NSMAF: variants seen among roughly 807,000 people sequenced by gnomAD.
The protein encoded by NSMAF is neutral sphingomyelinase activation associated factor.
In NSMAF, 90 loss-of-function variants were observed where a neutral mutation model predicts 134.9. That is an observed-to-expected ratio of 0.67 (90% CI 0.56 to 0.79). NSMAF has a LOEUF of 0.79. Ranked by LOEUF, NSMAF falls within the 30% of genes least tolerant of loss-of-function variation. The pLI is 0.00. For synonymous variants in NSMAF, 358 were observed against 389.6 expected, an observed-to-expected ratio of 0.92 and a Z score of 0.96; for missense variants, 1,010 against 1,119.0, an observed-to-expected ratio of 0.90 and a Z score of 1.39.
intron 17 of NSMAF, 33 bp downstream of exon 17, chr8:58,599,937 T>C (rs375209633): frequency 6.2e-7 from 1 of 1,613,144 alleles, no homozygotes; most frequent in Non-Finnish European, 8.5e-7. Flanking sequence ...AAACCCCAAG[T>C]CCAGTTACTC....
At chr8:58,596,525 A>G (rs1806138411) in intron 21 of NSMAF, among the ~76,000 whole-genome samples, 1 of 152,200 alleles carries the variant, frequency 6.6e-6, no homozygotes. Flanking sequence ...AACTGGGTCA[A>G]GTTCAATTTA....
At chr8:58,659,241 A>T (rs1472898972) in intron 1 of NSMAF, 1 of 1,500,622 alleles carries the variant, frequency 6.7e-7, no homozygotes, top group Non-Finnish European at 8.8e-7. Context: ...CCACGCCCGG[A>T]CCCCGCGCGG....
chr8:58,592,803 C>T (rs565558049), intron 23 of NSMAF, among the ~76,000 whole-genome samples: 151 of 152,020 alleles, frequency 9.9e-4, no homozygotes, highest in African/African-American at 3.6e-3. Context: ...GGGAGAATCG[C>T]TTGAACCCAG....
At chr8:58,643,200 G>GA in intron 1 of NSMAF, 127 bp from the exon 2 acceptor site, 1 of 711,176 alleles carries the variant, frequency 1.4e-6, no homozygotes, top group Non-Finnish European at 2.5e-6. Context: ...TATGAAGCAT[G>GA]TATATCATGC....
intron 6 of NSMAF, 58 bp from the exon 7 acceptor site, chr8:58,623,838 C>T (rs1220472518): frequency 4.3e-6 from 6 of 1,384,360 alleles, no homozygotes; most frequent in Non-Finnish European, 4.1e-6. Context: ...CCAAACTATG[C>T]TACTTTAAGA....
Position 58,607,715 on chromosome 8 carries a change from G to A in NSMAF, c.759+54C>T. 3 of 1,381,180 alleles carry A rather than the reference G, an allele frequency of 2.2e-6. No individual in the cohort carries two copies. The South Asian group carries it at 3.5e-5, about 16-fold the overall frequency. 85.6% of individuals were successfully genotyped at this position (1,381,180 alleles called of 1,614,324 possible). On this transcript the variant is annotated intron_variant, in intron 11 of 30. Transcript: ENST00000038176. ...AAGTGTTTACCGTCAATAAACTGCT[G>A]GCTAAACTGAAAGTGTGACAATCAT... is the stretch of plus-strand genomic sequence containing the variant.
intron 9 of NSMAF, among the ~76,000 whole-genome samples, chr8:58,617,581 C>T (rs2129143494): frequency 6.6e-6 from 1 of 152,264 alleles, no homozygotes; most frequent in East Asian, 1.9e-4. Flanking sequence ...CACTGGTCAT[C>T]AGAGAAATGC....
intron 2 of NSMAF, among the ~76,000 whole-genome samples, chr8:58,642,768 A>G (rs1156355930): frequency 6.6e-6 from 1 of 152,242 alleles, no homozygotes; most frequent in Non-Finnish European, 1.5e-5. Flanking sequence ...AGATGAAAAA[A>G]ACTTCATGGG....
At chr8:58,587,456 A>C (rs1391620637) in intron 27 of NSMAF, among the ~76,000 whole-genome samples, 162 bp downstream of exon 27, 1 of 152,244 alleles carries the variant, frequency 6.6e-6, no homozygotes, top group Non-Finnish European at 1.5e-5. Flanking sequence ...GTAGACTTGG[A>C]AACCTAAAGA....
Position 58,585,704 on chromosome 8 carries a change from GA to G in NSMAF, c.2606del (p.Leu869ProfsTer21), listed in dbSNP as rs1805865846. ...TTTTTGCTCCAAGGAGGTCCCAAAC[GA>G]GCAGTTCACCAGACTGACTGCCAGA... is the stretch of plus-strand genomic sequence containing the variant. ...VLSGSQSGEL[L>X]VWDLLGAKIS... On this transcript the variant is annotated frameshift_variant, in exon 30 of 31. Coordinates refer to ENST00000038176, the MANE Select transcript of NSMAF (RefSeq NM_003580.4). LOFTEE classifies it high-confidence loss of function. 1 of 1,613,976 alleles carries G rather than the reference GA, an allele frequency of 6.2e-7. No individual in the cohort carries two copies. Among genetic ancestry groups the G allele is most frequent in the Non-Finnish European group, 8.5e-7 (1 of 1,179,990 alleles).
chr8:58,605,802 C>A (rs568812228), intron 12 of NSMAF, 125 bp downstream of exon 12: 1 of 1,057,848 alleles, frequency 9.5e-7, no homozygotes, highest in Admixed American at 4.2e-5. Flanking sequence ...ATCACTTGAA[C>A]CCAGGAGGCG....
intron 9 of NSMAF, among the ~76,000 whole-genome samples, chr8:58,622,865 G>C (rs1298869251): frequency 6.6e-6 from 1 of 152,148 alleles, no homozygotes; most frequent in East Asian, 1.9e-4. Flanking sequence ...ACAATGTCAG[G>C]TAGAGGGAGG....
At chr8:58,641,497 C>T (rs1807335663) in intron 2 of NSMAF, among the ~76,000 whole-genome samples, 2 of 152,172 alleles carry the variant, frequency 1.3e-5, no homozygotes. Context: ...CCCCTTCTGA[C>T]AAAAGTAGCT....
intron 23 of NSMAF, among the ~76,000 whole-genome samples, chr8:58,592,014 G>A (rs1444370358): frequency 1.3e-5 from 2 of 152,132 alleles, no homozygotes; most frequent in Non-Finnish European, 2.9e-5. Context: ...GCCTCAATAA[G>A]ATATTCTTCA....
chr8:58,606,823 A>G (rs559030900), intron 11 of NSMAF, among the ~76,000 whole-genome samples: 13 of 152,294 alleles, frequency 8.5e-5, no homozygotes, highest in African/African-American at 3.1e-4. Context: ...CTTCACCTGT[A>G]AAATACAATA....
At chr8:58,613,334 G>A (rs188496288) in intron 9 of NSMAF, among the ~76,000 whole-genome samples, 2 of 152,206 alleles carry the variant, frequency 1.3e-5, no homozygotes, top group East Asian at 3.9e-4. Context: ...AGGCAGGAGA[G>A]GCTAAATGGA....
At chr8:58,585,165 T>C (rs546152003) in intron 30 of NSMAF, among the ~76,000 whole-genome samples, 2 of 152,282 alleles carry the variant, frequency 1.3e-5, no homozygotes, top group South Asian at 4.2e-4. Context: ...GAACAGTTTA[T>C]TATACTTCAC....
intron 11 of NSMAF, 44 bp from the exon 12 acceptor site, chr8:58,606,079 T>G: frequency 2.1e-6 from 2 of 936,822 alleles, no homozygotes; most frequent in Non-Finnish European, 3.0e-6. Flanking sequence ...AGCATTGTAT[T>G]CATCTTGCAA....
At chr8:58,633,819 A>G (rs2129146072) in intron 5 of NSMAF, among the ~76,000 whole-genome samples, 1 of 152,322 alleles carries the variant, frequency 6.6e-6, no homozygotes, top group South Asian at 2.1e-4. Context: ...TACTTGACAC[A>G]GGAAGCTTTA....
Sources: gnomAD v4.1 joint callset for allele counts (sites outside exome capture counted in the v4.1 genomes callset) on GRCh38, gnomAD v4.1.1 for gene constraint, MANE v1.5 for transcripts, NCBI Gene and HGNC (gene_info 2026-07-23, HGNC 2026-07-21) for gene names.